Variants in GRID2 observed in about 807,000 individuals in gnomAD.
GRID2 encodes the protein glutamate ionotropic receptor delta type subunit 2, also known as glutamate receptor ionotropic, delta-2.
Under a neutral mutation model 114.8 loss-of-function variants are expected in GRID2, and 33 were observed. The observed-to-expected ratio is 0.29, with a 90% CI of 0.22 to 0.38. The LOEUF (loss-of-function observed/expected upper bound fraction) is 0.38, where lower values mean the gene tolerates loss of function less well. Among genes scored for constraint, GRID2 ranks in the 10% least tolerant of loss-of-function variants. GRID2 has a pLI of 1.00. For synonymous variants in GRID2, 505 were observed against 449.9 expected (o/e 1.12, Z -1.55); for missense variants, 1,184 against 1,257.7 (o/e 0.94, Z 0.89).
At chr4:92,988,043 T>C (rs1295550310) in intron 2 of GRID2, among the ~76,000 whole-genome samples, 2 of 152,226 alleles carry the variant, frequency 1.3e-5, no homozygotes, top group Non-Finnish European at 2.9e-5. Flanking sequence ...ATTTATTCAA[T>C]AACTATTCAT....
At chr4:92,997,503 G>C (rs1275870125) in intron 2 of GRID2, among the ~76,000 whole-genome samples, 1 of 152,092 alleles carries the variant, frequency 6.6e-6, no homozygotes, top group Non-Finnish European at 1.5e-5. Context: ...ATTTTGTTTT[G>C]ATAGTGTTAG....
chr4:93,248,116 CAGT>C (rs529909269), intron 8 of GRID2, among the ~76,000 whole-genome samples: 237 of 152,214 alleles, frequency 1.6e-3, no homozygotes, highest in African/African-American at 5.0e-3. Flanking sequence ...AGTGAAGCTC[CAGT>C]CCAGCTCAAA....
chr4:93,398,084 A>T (rs1302085105), intron 9 of GRID2, among the ~76,000 whole-genome samples: 5 of 141,554 alleles, frequency 3.5e-5, no homozygotes, highest in Admixed American at 6.9e-5. Context: ...TGATCTCAAG[A>T]GGAAACTGAG....
At chr4:92,709,009 A>T (rs906609533) in intron 2 of GRID2, among the ~76,000 whole-genome samples, 5 of 152,286 alleles carry the variant, frequency 3.3e-5, no homozygotes. Flanking sequence ...GGGCCAGGAA[A>T]TAGAACTCAC....
chr4:93,633,391 C>A (rs1477906118), intron 14 of GRID2, among the ~76,000 whole-genome samples: 1 of 152,018 alleles, frequency 6.6e-6, no homozygotes, highest in East Asian at 1.9e-4. Flanking sequence ...CTTGATACTT[C>A]TTACACTTTA....
rs1480927191 is a variant in GRID2 at position 92,879,723 on chromosome 4, TAAG to T, written c.245-205271_245-205269del. On this transcript the variant is annotated intron_variant, in intron 2 of 15. Transcript: ENST00000282020. ...AAAATCTCAGTCACAAAAGGAAAAA[TAAG>T]CTTTAATCACATTCAAATGTTTCAA... Among the ~76,000 whole-genome samples the T allele has an allele frequency of 2.6e-5, 4 of 152,276 alleles. No individual in the cohort carries two copies. The East Asian group carries it at 7.7e-4, about 29-fold the overall frequency.
At chr4:92,525,562 T>C (rs1254105113) in intron 1 of GRID2, among the ~76,000 whole-genome samples, 1 of 152,106 alleles carries the variant, frequency 6.6e-6, no homozygotes, top group African/African-American at 2.4e-5. Context: ...CAGAGATTTA[T>C]ACTTGAATCT....
intron 1 of GRID2, among the ~76,000 whole-genome samples, chr4:92,327,783 T>C (rs1394089132): frequency 2.6e-5 from 4 of 151,968 alleles, no homozygotes; most frequent in Admixed American, 6.6e-5. Context: ...CATTTCAACA[T>C]TGTTTCTGAA....
intron 8 of GRID2, among the ~76,000 whole-genome samples, chr4:93,316,337 AAAG>A (rs1756644526): frequency 1.7e-5 from 1 of 57,546 alleles, no homozygotes; most frequent in Non-Finnish European, 3.9e-5. Context: ...AGAAAGAAAG[AAAG>A]AAGGAAGGAA....
chr4:92,828,014 A>G (rs1408026533), intron 2 of GRID2, among the ~76,000 whole-genome samples: 2 of 152,046 alleles, frequency 1.3e-5, no homozygotes, highest in Non-Finnish European at 2.9e-5. Flanking sequence ...AAGAATTCCT[A>G]TTGCAGATTC....
At chr4:93,485,842 T>C (rs2149452612) in intron 11 of GRID2, among the ~76,000 whole-genome samples, 1 of 151,816 alleles carries the variant, frequency 6.6e-6, no homozygotes, top group African/African-American at 2.4e-5. Context: ...TGCAACTTCA[T>C]ATAAACTTTA....
intron 2 of GRID2, among the ~76,000 whole-genome samples, chr4:92,892,238 A>T (rs1176367014): frequency 6.6e-6 from 1 of 151,850 alleles, no homozygotes; most frequent in Non-Finnish European, 1.5e-5. Context: ...TAATTTTTGT[A>T]TTTTTAGTAG....
chr4:93,460,958 T>A (rs1723683810), intron 11 of GRID2, among the ~76,000 whole-genome samples: 1 of 152,160 alleles, frequency 6.6e-6, no homozygotes, highest in African/African-American at 2.4e-5. Flanking sequence ...TACTTATGAA[T>A]TGGCTTTCTG....
rs539874957 is a variant in GRID2 at position 92,704,858 on chromosome 4, G to A, written c.244+114572G>A. ...CCACCTCTTCAACTGCATTGGTAAC[G>A]TGATAAGAGCAGAAATGACAAGTGG... is the stretch of plus-strand genomic sequence containing the variant. On this transcript the variant is annotated intron_variant, in intron 2 of 15. Coordinates refer to ENST00000282020, the MANE Select transcript of GRID2 (RefSeq NM_001510.4). Among the ~76,000 whole-genome samples, 8 of 145,978 alleles carry A rather than the reference G, an allele frequency of 5.5e-5. No individual in the cohort carries two copies. The South Asian group carries it at 6.8e-4, about 12-fold the overall frequency.
At chr4:92,547,997 C>A (rs1726354784) in intron 1 of GRID2, among the ~76,000 whole-genome samples, 1 of 151,960 alleles carries the variant, frequency 6.6e-6, no homozygotes. Flanking sequence ...ACTTACAAGA[C>A]CTGAATTCTT....
chr4:93,509,496 T>C (rs1728961611), intron 12 of GRID2, among the ~76,000 whole-genome samples: 1 of 152,208 alleles, frequency 6.6e-6, no homozygotes, highest in Non-Finnish European at 1.5e-5. Context: ...TGAGTGCTCA[T>C]AGCTAATTAC....
chr4:93,365,873 C>A (rs1157548356), intron 8 of GRID2, among the ~76,000 whole-genome samples: 1 of 152,098 alleles, frequency 6.6e-6, no homozygotes, highest in African/African-American at 2.4e-5. Flanking sequence ...ATTAGTTCCC[C>A]AAATTAATAC....
intron 1 of GRID2, among the ~76,000 whole-genome samples, chr4:92,457,490 G>A (rs565786236): frequency 7.9e-5 from 12 of 152,150 alleles, no homozygotes; most frequent in Admixed American, 2.0e-4. Flanking sequence ...TATGCGCATC[G>A]AAAGATGTAG....
chr4:92,871,462 C>T (rs1745274147), intron 2 of GRID2, among the ~76,000 whole-genome samples: 1 of 151,994 alleles, frequency 6.6e-6, no homozygotes, highest in Admixed American at 6.6e-5. Flanking sequence ...CTATTAAATA[C>T]AGTTGAGTTA....
Sources: gnomAD v4.1 joint callset for allele counts (sites outside exome capture counted in the v4.1 genomes callset) on GRCh38, gnomAD v4.1.1 for gene constraint, MANE v1.5 for transcripts, NCBI Gene and HGNC (gene_info 2026-07-23, HGNC 2026-07-21) for gene names.